COL24A1: variants seen among roughly 807,000 people sequenced by gnomAD.
The protein encoded by COL24A1 is collagen type XXIV alpha 1 chain, also known as collagen alpha-1(XXIV) chain.
COL24A1 carries 224 observed loss-of-function variants against 253.9 expected under a neutral mutation model. The observed-to-expected ratio is 0.88, with a 90% confidence interval of 0.79 to 0.99. The LOEUF (loss-of-function observed/expected upper bound fraction) is 0.99, where lower values mean the gene tolerates loss of function less well. Ranked by LOEUF, COL24A1 falls within the 50% of genes least tolerant of loss-of-function variation. The probability of loss-of-function intolerance (pLI) is 0.00; values close to 1 mark genes in which losing one functional copy is unlikely to be tolerated. For synonymous variants in COL24A1, 685 were observed against 673.7 expected, an observed-to-expected ratio of 1.02 and a Z score of -0.26; for missense variants, 2,131 against 2,068.5, an observed-to-expected ratio of 1.03 and a Z score of -0.59.
Position 86,066,468 on chromosome 1 carries a change from T to A in COL24A1, c.1708-2709A>T, listed in dbSNP as rs948778458. Among the ~76,000 whole-genome samples, 4 of 151,772 alleles carry A rather than the reference T, an allele frequency of 2.6e-5. No individual in the cohort carries two copies. The East Asian group carries it at 7.8e-4, about 30-fold the overall frequency. ...ACTGTGTTAGCCAGGACGGTCTCGA[T>A]CTCCTGACCTCGTGATCTGCCCGCC... On this transcript the variant is annotated intron_variant, in intron 7 of 59. Transcript: ENST00000370571.
chr1:85,841,438 T>C (rs1053844689), intron 41 of COL24A1, among the ~76,000 whole-genome samples, 160 bp from the exon 42 acceptor site: 3 of 152,206 alleles, frequency 2.0e-5, no homozygotes, highest in African/African-American at 7.2e-5. Flanking sequence ...TGATATTTTA[T>C]ACAGAGTTGT....
intron 23 of COL24A1, among the ~76,000 whole-genome samples, chr1:85,963,610 C>T (rs532907587): frequency 6.6e-6 from 1 of 152,008 alleles, no homozygotes; most frequent in South Asian, 2.1e-4. Context: ...AGAGTGTGTC[C>T]CTTAAGCAAC....
intron 35 of COL24A1, among the ~76,000 whole-genome samples, chr1:85,872,853 T>G (rs1184092872): frequency 6.6e-6 from 1 of 152,048 alleles, no homozygotes; most frequent in Admixed American, 6.6e-5. Context: ...CTAATTAAAC[T>G]AAAGAGCTTC....
intron 4 of COL24A1, 59 bp downstream of exon 4, chr1:86,115,266 A>G: frequency 2.6e-6 from 4 of 1,559,182 alleles, no homozygotes; most frequent in Non-Finnish European, 2.6e-6. Flanking sequence ...TACTAGAAAA[A>G]ACATGTTAGA....
chr1:86,046,495 A>T (rs1699913484), intron 12 of COL24A1, among the ~76,000 whole-genome samples: 1 of 152,172 alleles, frequency 6.6e-6, no homozygotes, highest in African/African-American at 2.4e-5. Flanking sequence ...ACATCTGGTC[A>T]TGTAGAGTAG....
intron 47 of COL24A1, among the ~76,000 whole-genome samples, chr1:85,812,229 G>A (rs1420592016): frequency 3.9e-5 from 6 of 152,186 alleles, no homozygotes; most frequent in Admixed American, 2.6e-4. Context: ...GCCCTAGCAC[G>A]TCTGGAAAGC....
intron 52 of COL24A1, 103 bp downstream of exon 52, chr1:85,781,117 C>T (rs1190831845): frequency 7.4e-6 from 6 of 807,174 alleles, no homozygotes; most frequent in Non-Finnish European, 5.7e-6. Flanking sequence ...TCTATTTTTT[C>T]CATTTTCTTC....
intron 37 of COL24A1, among the ~76,000 whole-genome samples, chr1:85,855,220 A>C (rs185297234): frequency 1.8e-4 from 28 of 151,972 alleles, no homozygotes; most frequent in African/African-American, 6.5e-4. Context: ...GATGCCTTTT[A>C]TTTCTTTCTT....
At chr1:86,003,391 G>T (rs563028323) in intron 19 of COL24A1, among the ~76,000 whole-genome samples, 28 of 152,194 alleles carry the variant, frequency 1.8e-4, no homozygotes, top group Admixed American at 7.2e-4. Flanking sequence ...CAAGTAAGCT[G>T]CATTAATAGG....
At chr1:85,870,159 T>A (rs1244505116) in intron 35 of COL24A1, among the ~76,000 whole-genome samples, 2 of 152,192 alleles carry the variant, frequency 1.3e-5, no homozygotes, top group Non-Finnish European at 2.9e-5. Flanking sequence ...ATCCTAAATA[T>A]ACATGCACCC....
chr1:85,896,055 C>A lies in COL24A1; in HGVS notation c.2843G>T (p.Gly948Val). Residue 948 changes from glycine to valine, a missense_variant, in exon 30 of 60, where the codon GGA becomes GTA. Coordinates refer to ENST00000370571, the MANE Select transcript of COL24A1 (RefSeq NM_152890.7). ...QGIQGAKGEK[G>V]DQGKRGPHGL... ...ATGAGGCCCTCTTTTTCCTTGATCTCCTTTTTCACCCTAACAAAGTATCAA... is the reference window on the plus strand; with the variant it reads ...ATGAGGCCCTCTTTTTCCTTGATCTACTTTTTCACCCTAACAAAGTATCAA... 6.2e-7 allele frequency: 1 copy of A among 1,612,782 alleles called. No individual in the cohort carries two copies. The highest frequency in any genetic ancestry group is 1.1e-5 in the South Asian group (1 of 90,824).
chr1:85,995,372 G>A (rs764896116), intron 19 of COL24A1, among the ~76,000 whole-genome samples: 7 of 152,070 alleles, frequency 4.6e-5, no homozygotes, highest in Admixed American at 3.9e-4. Context: ...AGATACAAGC[G>A]ATCTGTGCCC....
At chr1:85,761,494 A>G (rs1666844043) in intron 54 of COL24A1, 37 bp downstream of exon 54, 1 of 1,613,906 alleles carries the variant, frequency 6.2e-7, no homozygotes, top group African/African-American at 1.3e-5. Context: ...ACATATAAGC[A>G]TCAATGGTAA....
At chr1:85,955,160 A>G (rs1010407546) in intron 24 of COL24A1, among the ~76,000 whole-genome samples, 1 of 152,222 alleles carries the variant, frequency 6.6e-6, no homozygotes, top group Non-Finnish European at 1.5e-5. Context: ...AACAGACACC[A>G]GCAGGCCATC....
In COL24A1 at chr1:86,052,967, C is replaced by CA. The variant is rs369458950; in HGVS notation, c.1852-2791dup. ...ATGTTCCACAGATTGTATGAACAAGCAAAAATTAAAAGAAAAGAGGGAGAG... is the reference window on the plus strand; with the variant it reads ...ATGTTCCACAGATTGTATGAACAAGCAAAAAATTAAAAGAAAAGAGGGAGAG... On this transcript the variant is annotated intron_variant, in intron 10 of 59. Coordinates refer to ENST00000370571, the MANE Select transcript of COL24A1 (RefSeq NM_152890.7). Among the ~76,000 whole-genome samples, 393 of 151,710 alleles carry CA rather than the reference C, an allele frequency of 2.6e-3. 1 individual carries two copies. Among genetic ancestry groups the CA allele is most frequent in the African/African-American group, 9.2e-3 (379 of 41,372 alleles).
intron 2 of COL24A1, among the ~76,000 whole-genome samples, chr1:86,136,347 C>A (rs1650243822): frequency 6.6e-6 from 1 of 152,050 alleles, no homozygotes; most frequent in South Asian, 2.1e-4. Context: ...TTTGCTGGTG[C>A]TTTCTGAAGT....
At chr1:85,830,732 C>G (rs1323320725) in intron 43 of COL24A1, among the ~76,000 whole-genome samples, 2 of 152,168 alleles carry the variant, frequency 1.3e-5, no homozygotes, top group Non-Finnish European at 2.9e-5. Flanking sequence ...AGGGAACTCC[C>G]TGACCCCTTG....
At chr1:86,092,169 C>T (rs1392093807) in intron 6 of COL24A1, 98 bp downstream of exon 6, 43 of 852,250 alleles carry the variant, frequency 5.0e-5, no homozygotes, top group Middle Eastern at 3.7e-4. Flanking sequence ...TGTTTTTTTC[C>T]TGTCTGATAC....
At chr1:85,874,244 G>T (rs1680881106) in intron 35 of COL24A1, among the ~76,000 whole-genome samples, 1 of 152,140 alleles carries the variant, frequency 6.6e-6, no homozygotes, top group African/African-American at 2.4e-5. Context: ...AACTTTGCAT[G>T]ATCATAGGTT....
Sources: gnomAD v4.1 joint callset for allele counts (sites outside exome capture counted in the v4.1 genomes callset) on GRCh38, gnomAD v4.1.1 for gene constraint, MANE v1.5 for transcripts, NCBI Gene and HGNC (gene_info 2026-07-23, HGNC 2026-07-21) for gene names.